The following TMIGD1 variants were observed in gnomAD, a reference collection of about 807,000 sequenced individuals.
TMIGD1 encodes the protein transmembrane and immunoglobulin domain containing 1, also known as transmembrane and immunoglobulin domain-containing protein 1.
Under a neutral mutation model 27.5 loss-of-function variants are expected in TMIGD1, and 29 were observed. That is an observed-to-expected ratio of 1.05 (90% CI 0.78 to 1.44). TMIGD1 has a LOEUF of 1.44. TMIGD1 is among the 40% of genes most tolerant of loss of function. The probability of loss-of-function intolerance (pLI) is 0.00; values close to 1 mark genes in which losing one functional copy is unlikely to be tolerated. For synonymous variants in TMIGD1, 109 were observed against 110.3 expected (o/e 0.99, Z 0.07); for missense variants, 334 against 310.6 (o/e 1.08, Z -0.57).
At chr17:30,331,828 T>C (rs1433461672) in intron 2 of TMIGD1, among the ~76,000 whole-genome samples, 5 of 152,154 alleles carry the variant, frequency 3.3e-5, no homozygotes, top group Non-Finnish European at 4.4e-5. Flanking sequence ...GACCTCATGA[T>C]TCACCTGCCT....
chr17:30,326,814 C>T (rs1465373246), intron 3 of TMIGD1, among the ~76,000 whole-genome samples: 1 of 152,116 alleles, frequency 6.6e-6, no homozygotes, highest in African/African-American at 2.4e-5. Context: ...GAGGTGTTCT[C>T]AATTTAAACT....
At position 30,318,807 on chromosome 17, in the gene TMIGD1, T is replaced by A. The variant is rs1909504266; in HGVS notation, c.744+3A>T. The A allele has an allele frequency of 6.3e-7, 1 of 1,599,726 alleles. No individual in the cohort carries two copies. The highest frequency in any genetic ancestry group is 1.1e-5 in the South Asian group (1 of 90,762). On this transcript the variant is annotated splice_donor_region_variant and intron_variant, in intron 5 of 6. Coordinates refer to ENST00000328886, the MANE Select transcript of TMIGD1 (RefSeq NM_206832.3). ...ACTTAAATAGCTCAGAATACTTAGA[T>A]ACCTTCATTATTTTCTTTCTTCTAG...
At position 30,321,567 on chromosome 17, in the gene TMIGD1, A is replaced by G. The variant is rs575753815; in HGVS notation, c.641-2654T>C. ...TGTGTTCAGCACTGCAAAAAATAGG[A>G]CAGGTGTAGAAGGCTCCTCTGCCTT... On this transcript the variant is annotated intron_variant, in intron 4 of 6. Transcript: ENST00000328886. Among the ~76,000 whole-genome samples, 188 of 152,276 alleles carry G rather than the reference A, an allele frequency of 1.2e-3. 2 individuals are homozygous for G. The highest frequency in any genetic ancestry group is 5.0e-4 in the Non-Finnish European group (34 of 68,034).
Position 30,322,569 on chromosome 17 carries a change from G to A in TMIGD1, c.640+2247C>T, listed in dbSNP as rs9896295. ...GGCTGGAGCGCAGTGGTGCGATCTC[G>A]GCTCACTGCAACCTCTGCCTTCTGG... On this transcript the variant is annotated intron_variant, in intron 4 of 6. Coordinates refer to ENST00000328886, the MANE Select transcript of TMIGD1 (RefSeq NM_206832.3). Among the ~76,000 whole-genome samples, 589 of 152,148 alleles carry A rather than the reference G, an allele frequency of 3.9e-3. 5 individuals carry two copies. The highest frequency in any genetic ancestry group is 0.013 in the African/African-American group (556 of 41,480).
intron 1 of TMIGD1, among the ~76,000 whole-genome samples, chr17:30,332,693 T>C (rs1449280110): frequency 6.6e-6 from 1 of 152,066 alleles, no homozygotes; most frequent in East Asian, 1.9e-4. Context: ...CACTATTCTC[T>C]CTCTCTCTTC....
At chr17:30,321,015 G>A (rs960270919) in intron 4 of TMIGD1, among the ~76,000 whole-genome samples, 7 of 152,120 alleles carry the variant, frequency 4.6e-5, no homozygotes, top group Admixed American at 1.3e-4. Context: ...ACACCACCAT[G>A]CCCAGATAAT....
At chr17:30,329,131 T>C (rs1164979428) in intron 3 of TMIGD1, 120 bp downstream of exon 3, 1 of 1,205,734 alleles carries the variant, frequency 8.3e-7, no homozygotes, top group Non-Finnish European at 1.2e-6. Context: ...GGTACTCTCA[T>C]ACTTTGTGGT....
At chr17:30,330,585 C>T (rs1909943431) in intron 2 of TMIGD1, among the ~76,000 whole-genome samples, 1 of 152,028 alleles carries the variant, frequency 6.6e-6, no homozygotes, top group African/African-American at 2.4e-5. Flanking sequence ...GGTCTTGCAT[C>T]TATAATGTTT....
At chr17:30,322,612 G>A (rs1909655347) in intron 4 of TMIGD1, among the ~76,000 whole-genome samples, 2 of 152,278 alleles carry the variant, frequency 1.3e-5, no homozygotes, top group Admixed American at 6.5e-5. Context: ...CAATTCTCCT[G>A]CCTCAGCCTC....
At chr17:30,321,686 A>G (rs1909626390) in intron 4 of TMIGD1, among the ~76,000 whole-genome samples, 1 of 152,214 alleles carries the variant, frequency 6.6e-6, no homozygotes, top group African/African-American at 2.4e-5. Context: ...TGAGTTAGCA[A>G]GTGAAGGGCA....
intron 4 of TMIGD1, among the ~76,000 whole-genome samples, chr17:30,320,574 T>G (rs1037654881): frequency 2.6e-5 from 4 of 152,204 alleles, no homozygotes; most frequent in Non-Finnish European, 5.9e-5. Flanking sequence ...AATGAGTAAC[T>G]TATTTATAAC....
Position 30,329,613 on chromosome 17 carries a change from T to C in TMIGD1, c.83-84A>G, listed in dbSNP as rs148072584. 7.3e-5 allele frequency: 83 copies of C among 1,134,886 alleles called. No individual in the cohort carries two copies. The African/African-American group carries it at 1.2e-3, about 17-fold the overall frequency. 70.3% of individuals were successfully genotyped at this position (1,134,886 alleles called of 1,614,324 possible). ...AACAGGGGATTGGTTAAATAAGTTA[T>C]GTTACATCAGTAGAACAAAATAAAC... is the stretch of plus-strand genomic sequence containing the variant. On this transcript the variant is annotated intron_variant, in intron 2 of 6. Transcript: ENST00000328886.
intron 3 of TMIGD1, 76 bp downstream of exon 3, chr17:30,329,175 G>A: frequency 6.5e-7 from 1 of 1,547,524 alleles, no homozygotes; most frequent in Non-Finnish European, 8.8e-7. Flanking sequence ...GCAATACCAA[G>A]ACCTAGATTT....
chr17:30,323,956 A>AT (rs1909695042), intron 4 of TMIGD1, among the ~76,000 whole-genome samples: 1 of 152,210 alleles, frequency 6.6e-6, no homozygotes, highest in African/African-American at 2.4e-5. Context: ...TTCATATCCC[A>AT]TAACTCTTCC....
rs149364379 is a variant in TMIGD1, at chr17:30,324,822, C to T, written c.634G>A (p.Val212Ile). 0.011 allele frequency: 17,032 copies of T among 1,613,646 alleles called. 128 individuals carry two copies. Among genetic ancestry groups the T allele is most frequent in the Non-Finnish European group, 0.013 (15,238 of 1,179,612 alleles). Reference protein sequence around the residue: ...KTESLDFHLIVKDKTVGVPIE... With the variant: ...KTESLDFHLIIKDKTVGVPIE... ...TACTTAAAAAGAGCATTACCTTTAA[C>T]AATCAGGTGAAAGTCCAAGCTCTCC... The change falls in exon 4 of 7, where the codon GTT (valine) becomes ATT (isoleucine). Residue 212 changes from valine (V) to isoleucine (I), a missense_variant. Physicochemically the swap from Val to Ile is conservative, Grantham distance 29. Coordinates refer to ENST00000328886, the MANE Select transcript of TMIGD1 (RefSeq NM_206832.3).
At chr17:30,326,569 G>A (rs1337699840) in intron 3 of TMIGD1, among the ~76,000 whole-genome samples, 1 of 152,116 alleles carries the variant, frequency 6.6e-6, no homozygotes, top group South Asian at 2.1e-4. Context: ...TTGAACCACA[G>A]AGATCTAGCT....
intron 1 of TMIGD1, among the ~76,000 whole-genome samples, chr17:30,333,674 A>G (rs926258492): frequency 6.6e-6 from 1 of 152,078 alleles, no homozygotes; most frequent in African/African-American, 2.4e-5. Flanking sequence ...TTTTCGTAAG[A>G]TGCAATTACT....
chr17:30,328,522 CTTGTACAGATTAATG>C (rs1430870355), intron 3 of TMIGD1, among the ~76,000 whole-genome samples: 2 of 151,842 alleles, frequency 1.3e-5, no homozygotes, highest in Non-Finnish European at 2.9e-5. Context: ...CTACAAAGCC[CTTGTACAGATTAATG>C]AGAAAAAAGC....
chr17:30,320,885 T>A (rs1037471622), intron 4 of TMIGD1, among the ~76,000 whole-genome samples: 1 of 152,092 alleles, frequency 6.6e-6, no homozygotes, highest in African/African-American at 2.4e-5. Flanking sequence ...TAAGACAGAA[T>A]CTCGCTCTGC....
Sources: gnomAD v4.1 joint callset for allele counts (sites outside exome capture counted in the v4.1 genomes callset) on GRCh38, gnomAD v4.1.1 for gene constraint, MANE v1.5 for transcripts, NCBI Gene and HGNC (gene_info 2026-07-23, HGNC 2026-07-21) for gene names.